Variants in ARL5B observed in about 807,000 individuals in gnomAD.
ARL5B encodes ADP-ribosylation factor-like protein 5B.
Under a neutral mutation model 26.9 loss-of-function variants are expected in ARL5B, and 10 were observed. The observed-to-expected ratio is 0.37, with a 90% CI of 0.23 to 0.63. The LOEUF is 0.63. Ranked by LOEUF, ARL5B falls within the 30% of genes least tolerant of loss-of-function variation. The pLI is 0.62. For synonymous variants in ARL5B, 87 were observed against 70.4 expected (o/e 1.24, Z -1.18); for missense variants, 167 against 213.9 (o/e 0.78, Z 1.37).
chr10:18,666,028 A>T (rs1336294063), intron 1 of ARL5B, among the ~76,000 whole-genome samples: 1 of 152,226 alleles, frequency 6.6e-6, no homozygotes, highest in Non-Finnish European at 1.5e-5. Flanking sequence ...ATGTTAAACA[A>T]TGAGTAATTG....
intron 1 of ARL5B, among the ~76,000 whole-genome samples, chr10:18,664,982 T>G (rs2059854949): frequency 6.6e-6 from 1 of 152,116 alleles, no homozygotes; most frequent in Admixed American, 6.5e-5. Context: ...GCCTTCAAGT[T>G]TTGCTTATCT....
intron 3 of ARL5B, 41 bp from the exon 4 acceptor site, chr10:18,672,581 T>C: frequency 6.7e-7 from 1 of 1,489,230 alleles, no homozygotes. Context: ...CTTTTCAGCA[T>C]CCCATTCAAT....
At position 18,675,081 on chromosome 10, in the gene ARL5B, C is replaced by G; in HGVS notation, c.492-87C>G. 6 of 1,208,598 alleles carry G rather than the reference C, an allele frequency of 5.0e-6. No individual in the cohort carries two copies. The South Asian group carries it at 5.3e-5, about 11-fold the overall frequency. 74.9% of individuals were successfully genotyped at this position (1,208,598 alleles called of 1,614,324 possible). ...TATAAATAATGATTGTGCTACCAGC[C>G]TTTGGTTAAGACCTAAAAATAATAA... is the stretch of plus-strand genomic sequence containing the variant. On this transcript the variant is annotated intron_variant, in intron 5 of 5. Transcript: ENST00000377275.
In ARL5B at chr10:18,675,465, A is replaced by G; in HGVS notation, c.*249A>G. The G allele has an allele frequency of 4.6e-6, 2 of 431,376 alleles. No homozygotes were observed. Among genetic ancestry groups the G allele is most frequent in the Non-Finnish European group, 4.2e-6 (1 of 237,690 alleles). 26.7% of individuals were successfully genotyped at this position (431,376 alleles called of 1,614,324 possible). On this transcript the variant is annotated 3_prime_UTR_variant, in exon 6 of 6. Transcript: ENST00000377275. ...GTTTTCAGCAACAATTCTTCTGTTTATTCTAATTAATCAGTGACTGCCTTG... is the reference window on the plus strand; with the variant it reads ...GTTTTCAGCAACAATTCTTCTGTTTGTTCTAATTAATCAGTGACTGCCTTG...
chr10:18,672,649 G>A lies in ARL5B; in HGVS notation c.283G>A (p.Asp95Asn). 1 of 1,610,174 alleles carries A rather than the reference G, an allele frequency of 6.2e-7. No homozygotes were observed. Among genetic ancestry groups the A allele is most frequent in the Non-Finnish European group, 8.5e-7 (1 of 1,178,104 alleles). ...EFIILVVDSI[D>N]RERLAITKEE... is the part of the protein sequence containing the mutation. ...CATCATTCTTGTTGTTGATAGCATT[G>A]ACAGGGAACGACTAGCTATTACAAA... Residue 95 changes from aspartate to asparagine, a missense_variant, in exon 4 of 6, where the codon GAC becomes AAC. Coordinates refer to ENST00000377275, the MANE Select transcript of ARL5B (RefSeq NM_178815.5).
intron 4 of ARL5B, 82 bp downstream of exon 4, chr10:18,672,787 T>A (rs2059893584): frequency 2.4e-6 from 2 of 839,242 alleles, no homozygotes; most frequent in East Asian, 2.6e-5. Flanking sequence ...AAGATTAATG[T>A]GATATGATGT....
chr10:18,675,300 A>G lies in ARL5B; in HGVS notation c.*84A>G, dbSNP rs188969123. ...TACCTTTGGCTGCTAAGGCAGCAGC[A>G]TGTTTAATTTATAACAACACAAACC... On this transcript the variant is annotated 3_prime_UTR_variant, in exon 6 of 6. Transcript: ENST00000377275. 3.7e-6 allele frequency: 5 copies of G among 1,344,360 alleles called. No individual in the cohort carries two copies. The African/African-American group carries it at 4.3e-5, about 12-fold the overall frequency. The allele number at this position is 1,344,360 out of a possible 1,614,324, so 83.3% of individuals were successfully genotyped here. A position where few individuals can be genotyped will look rare whatever the true frequency, so the allele number is the denominator to read the frequency against.
At chr10:18,672,313 T>C (rs1392575098) in intron 3 of ARL5B, among the ~76,000 whole-genome samples, 1 of 152,210 alleles carries the variant, frequency 6.6e-6, no homozygotes, top group African/African-American at 2.4e-5. Context: ...TTTTCAAAAA[T>C]TGCTTTTTAC....
At chr10:18,668,360 G>A (rs945970941) in intron 2 of ARL5B, among the ~76,000 whole-genome samples, 170 bp from the exon 3 acceptor site, 8 of 151,766 alleles carry the variant, frequency 5.3e-5, no homozygotes, top group Non-Finnish European at 1.2e-4. Context: ...TTCTTCTGGA[G>A]TTGTTATCTA....
At chr10:18,675,041 G>A (rs2059904314) in intron 5 of ARL5B, 127 bp from the exon 6 acceptor site, 1 of 691,756 alleles carries the variant, frequency 1.4e-6, no homozygotes, top group Non-Finnish European at 2.4e-6. Context: ...TGACTTGAAT[G>A]TTGACACTGA....
rs1292997642 is a variant in ARL5B, at chr10:18,676,912, C to G, written c.*1696C>G. On this transcript the variant is annotated 3_prime_UTR_variant, in exon 6 of 6. Transcript: ENST00000377275. ...GTAGTTGTTTAACTTTGTTTTAAGCCGTTTTCTTAGTGATTCTGTATCAAG... is the reference window on the plus strand; with the variant it reads ...GTAGTTGTTTAACTTTGTTTTAAGCGGTTTTCTTAGTGATTCTGTATCAAG... 6.6e-6 allele frequency: 1 copy of G among 152,208 alleles called. No individual in the cohort carries two copies. Among genetic ancestry groups the G allele is most frequent in the African/African-American group, 2.4e-5 (1 of 41,382 alleles). The allele number at this position is 152,208 out of a possible 1,614,324, so 9.4% of individuals were successfully genotyped here. A position where few individuals can be genotyped will look rare whatever the true frequency, so the allele number is the denominator to read the frequency against.
At chr10:18,663,075 C>T (rs938810268) in intron 1 of ARL5B, among the ~76,000 whole-genome samples, 1 of 152,084 alleles carries the variant, frequency 6.6e-6, no homozygotes, top group Non-Finnish European at 1.5e-5. Flanking sequence ...GTCCTGTGAT[C>T]TCAGCTCACT....
rs527471406 is a variant in ARL5B at position 18,680,586 on chromosome 10, G to A, written c.*5370G>A. On this transcript the variant is annotated 3_prime_UTR_variant, in exon 6 of 6. Transcript: ENST00000377275. ...ATTTTAATCTTATATTTTCCCTCAG[G>A]AAATTTAGGGACTCTGAAGCCCCTA... The A allele has an allele frequency of 6.6e-6, 1 of 152,070 alleles. No individual in the cohort carries two copies. Among genetic ancestry groups the A allele is most frequent in the Admixed American group, 6.5e-5 (1 of 15,274 alleles). 9.4% of individuals were successfully genotyped at this position (152,070 alleles called of 1,614,324 possible). A position where few individuals can be genotyped will look rare whatever the true frequency, so the allele number is the denominator to read the frequency against.
chr10:18,680,554 C>T lies in ARL5B; in HGVS notation c.*5338C>T, dbSNP rs1269564790. On this transcript the variant is annotated 3_prime_UTR_variant, in exon 6 of 6. Transcript: ENST00000377275. Reference sequence around the variant, plus strand: ...TATTTAAGCCCTATTCACAAGAGACCATAATCATTTTAATCTTATATTTTC... The same window carrying T: ...TATTTAAGCCCTATTCACAAGAGACTATAATCATTTTAATCTTATATTTTC... 2.0e-5 allele frequency: 3 copies of T among 151,958 alleles called. No homozygotes were observed. Among genetic ancestry groups the T allele is most frequent in the African/African-American group, 7.2e-5 (3 of 41,408 alleles). The allele number at this position is 151,958 out of a possible 1,614,324, so 9.4% of individuals were successfully genotyped here. A position where few individuals can be genotyped will look rare whatever the true frequency, so the allele number is the denominator to read the frequency against.
rs1407128455 is a variant in ARL5B at position 18,675,164 on chromosome 10, T to C, written c.492-4T>C. 3.1e-6 allele frequency: 5 copies of C among 1,612,494 alleles called. No individual in the cohort carries two copies. The highest frequency in any genetic ancestry group is 1.3e-5 in the African/African-American group (1 of 74,878). On this transcript the variant is annotated splice_polypyrimidine_tract_variant and splice_region_variant and intron_variant, in intron 5 of 5. Transcript: ENST00000377275. The stretch of plus-strand genomic sequence containing the variant: ...AATTAAAAATACTTCTATCTTTTGT[T>C]TAGGTTATGCCAAGGTCTAGAGTGG...
At chr10:18,668,492 G>C (rs878939249) in intron 2 of ARL5B, 38 bp from the exon 3 acceptor site, 1 of 1,605,782 alleles carries the variant, frequency 6.2e-7, no homozygotes, top group East Asian at 2.2e-5. Context: ...AGATTCTCAA[G>C]ATTTACAAGA....
At chr10:18,674,281 A>G (rs1590229509) in intron 5 of ARL5B, 146 bp downstream of exon 5, 2 of 643,852 alleles carry the variant, frequency 3.1e-6, no homozygotes, top group African/African-American at 3.8e-5. Context: ...TCTCAGGCTT[A>G]CAACCTAGAA....
At chr10:18,660,780 T>C (rs1183167345) in intron 1 of ARL5B, among the ~76,000 whole-genome samples, 3 of 152,250 alleles carry the variant, frequency 2.0e-5, no homozygotes, top group Non-Finnish European at 2.9e-5. Context: ...ATATTACTTA[T>C]CAAATGATTT....
intron 1 of ARL5B, among the ~76,000 whole-genome samples, chr10:18,664,282 T>C (rs570961293): frequency 5.1e-4 from 78 of 152,218 alleles, no homozygotes; most frequent in Non-Finnish European, 4.6e-4. Context: ...AGATGGGATA[T>C]TACTGTATTG....
Sources: allele counts gnomAD v4.1 joint callset (sites outside exome capture counted in the v4.1 genomes callset), GRCh38; gene constraint gnomAD v4.1.1; transcripts MANE v1.5; gene names NCBI Gene and HGNC (gene_info 2026-07-23, HGNC 2026-07-21).